The following NRDE2 variants were observed in gnomAD, a reference collection of about 807,000 sequenced individuals.
The protein encoded by NRDE2 is nuclear exosome regulator NRDE2.
Under a neutral mutation model 124.2 loss-of-function variants are expected in NRDE2, and 76 were observed. The observed-to-expected ratio is 0.61, with a 90% CI of 0.51 to 0.74. The LOEUF is 0.74. Among genes scored for constraint, NRDE2 ranks in the 30% least tolerant of loss-of-function variants. The probability of loss-of-function intolerance (pLI) is 0.00; values close to 1 mark genes in which losing one functional copy is unlikely to be tolerated. For missense variants in NRDE2, 1,314 were observed against 1,417.3 expected (o/e 0.93, Z 1.17); for synonymous variants, 489 against 528.1 (o/e 0.93, Z 1.01).
At chr14:90,314,198 G>A (rs547928804) in intron 3 of NRDE2, among the ~76,000 whole-genome samples, 20 of 152,328 alleles carry the variant, frequency 1.3e-4, no homozygotes, top group African/African-American at 4.8e-4. Context: ...ATTAGTAGCT[G>A]TGGCCTCTGG....
Position 90,288,933 on chromosome 14 carries a change from T to C in NRDE2, c.2442A>G (p.Glu814=), listed in dbSNP as rs114253279. The change falls in exon 11 of 14, where the codon GAA becomes GAG. Residue 814 remains glutamate, a synonymous_variant. Coordinates refer to ENST00000354366, the MANE Select transcript of NRDE2 (RefSeq NM_017970.4). ...DTALGMAGSR[E]LKDSDLCELS... ...GCTCACAGAGGTCAGAGTCTTTCAG[T>C]TCTCTGCTTCCTGCCATGCCAAGTG... 2,266 of 1,612,358 alleles carry C rather than the reference T, an allele frequency of 1.4e-3. 32 individuals are homozygous for C. The African/African-American group carries it at 0.027, about 19-fold the overall frequency.
At position 90,276,656 on chromosome 14, in the gene NRDE2, C is replaced by T. The variant is rs1891811677; in HGVS notation, c.*1680G>A. 6.6e-6 allele frequency: 1 copy of T among 152,202 alleles called. No individual in the cohort carries two copies. The highest frequency in any genetic ancestry group is 2.4e-5 in the African/African-American group (1 of 41,440). 9.4% of individuals were successfully genotyped at this position (152,202 alleles called of 1,614,324 possible). On this transcript the variant is annotated 3_prime_UTR_variant, in exon 14 of 14. Transcript: ENST00000354366. Reference sequence around the variant, plus strand: ...TGCTCGCAATCTGTTCGAGCAGCCGCTTTATCCTCTCGGGGGCTCACTGCC... The same window carrying T: ...TGCTCGCAATCTGTTCGAGCAGCCGTTTTATCCTCTCGGGGGCTCACTGCC...
In NRDE2 at chr14:90,273,966, T is replaced by C. The variant is rs1323172912; in HGVS notation, c.*4370A>G. ...CAGATGATCCAGGATAATTTCCCTG[T>C]TTTAAAGTTTACAATCTTCTTAATT... is the stretch of plus-strand genomic sequence containing the variant. On this transcript the variant is annotated 3_prime_UTR_variant, in exon 14 of 14. Transcript: ENST00000354366. 2 of 145,502 alleles carry C rather than the reference T, an allele frequency of 1.4e-5. No homozygotes were observed. The highest frequency in any genetic ancestry group is 5.0e-5 in the African/African-American group (2 of 40,330). 9.0% of individuals were successfully genotyped at this position (145,502 alleles called of 1,614,324 possible). A position where few individuals can be genotyped will look rare whatever the true frequency, so the allele number is the denominator to read the frequency against.
chr14:90,315,547 C>T (rs1885014274), intron 3 of NRDE2, among the ~76,000 whole-genome samples: 2 of 152,148 alleles, frequency 1.3e-5, no homozygotes, highest in Non-Finnish European at 2.9e-5. Flanking sequence ...ACCTGTCCCA[C>T]CTACACGCAA....
At chr14:90,294,252 C>T (rs1359112279) in intron 8 of NRDE2, among the ~76,000 whole-genome samples, 2 of 151,816 alleles carry the variant, frequency 1.3e-5, no homozygotes, top group African/African-American at 4.8e-5. Flanking sequence ...GCCTGGTGCC[C>T]TGCTGGTGGG....
At position 90,298,308 on chromosome 14, in the gene NRDE2, C is replaced by T. The variant is rs1335463892; in HGVS notation, c.1618G>A (p.Ala540Thr). 2 of 1,613,596 alleles carry T rather than the reference C, an allele frequency of 1.2e-6. No individual in the cohort carries two copies. Among genetic ancestry groups the T allele is most frequent in the Non-Finnish European group, 1.7e-6 (2 of 1,179,988 alleles). The change falls in exon 8 of 14, where the codon GCG becomes ACG. Residue 540 changes from alanine (A) to threonine (T), a missense_variant. Transcript: ENST00000354366. ...AGEKGARGWK[A>T]WMHQQERGGW... ...CCTCGTTCCTGCTGGTGCATCCACG[C>T]CTTCCAGCCTCGGGCTCCCTTCTCC...
chr14:90,301,704 G>A (rs1391768138), intron 6 of NRDE2: 1 of 454,336 alleles, frequency 2.2e-6, no homozygotes, highest in African/African-American at 2.0e-5. Context: ...ATAGAAAAAG[G>A]ATGGCGTAGC....
intron 9 of NRDE2, among the ~76,000 whole-genome samples, chr14:90,292,198 C>G (rs1375330993): frequency 2.0e-5 from 3 of 152,244 alleles, no homozygotes; most frequent in African/African-American, 7.2e-5. Flanking sequence ...GCAAGACACG[C>G]TGATGCCAAC....
At chr14:90,312,345 A>G (rs1284674867) in intron 4 of NRDE2, 49 bp downstream of exon 4, 1 of 1,598,066 alleles carries the variant, frequency 6.3e-7, no homozygotes, top group East Asian at 2.2e-5. Context: ...TCCGAGGAGA[A>G]AAAAGTCACT....
In NRDE2 at chr14:90,306,142, T is replaced by C. The variant is rs536731815; in HGVS notation, c.558-1760A>G. 3.3e-5 allele frequency among the ~76,000 whole-genome samples: 5 copies of C among 152,302 alleles called. No homozygotes were observed. In the South Asian group the frequency reaches 1.0e-3, roughly 32 times the overall value. ...TGTAAAAATCTTTCAACTTTTGCTG[T>C]ATATTAAAATTTTTTCCTAATAAAA... On this transcript the variant is annotated intron_variant, in intron 4 of 13. Coordinates refer to ENST00000354366, the MANE Select transcript of NRDE2 (RefSeq NM_017970.4).
At chr14:90,329,764 G>A (rs556112802) in intron 1 of NRDE2, among the ~76,000 whole-genome samples, 2 of 151,456 alleles carry the variant, frequency 1.3e-5, no homozygotes, top group Admixed American at 6.6e-5. Flanking sequence ...CTTGAAGCCA[G>A]GAGGCGGAGG....
rs45462994 is a variant in NRDE2 at position 90,290,518 on chromosome 14, C to G, written c.1932G>C (p.Leu644Phe). The G allele has an allele frequency of 9.6e-3, 15,538 of 1,613,524 alleles. 117 individuals are homozygous for G. Among genetic ancestry groups the G allele is most frequent in the Non-Finnish European group, 0.011 (12,964 of 1,179,732 alleles). The change falls in exon 10 of 14, where the codon TTG (leucine) becomes TTC (phenylalanine). Residue 644 changes from leucine (L) to phenylalanine (F), a missense_variant. Leu to Phe is a conservative substitution (Grantham distance 22). Transcript: ENST00000354366. ...FQLVEAFLQF[L>F]GVPSGFTPPA... ...GAGGAGTAAAGCCAGAAGGCACACC[C>G]AAGAACTGCAGGAAGGCCTCCACCA...
chr14:90,284,496 G>C (rs1024564292), intron 12 of NRDE2, among the ~76,000 whole-genome samples: 9 of 151,998 alleles, frequency 5.9e-5, no homozygotes, highest in African/African-American at 2.2e-4. Flanking sequence ...CTCCCAAGTA[G>C]CTAGGATTAC....
At chr14:90,297,774 C>G (rs772897713) in intron 8 of NRDE2, among the ~76,000 whole-genome samples, 21 of 151,926 alleles carry the variant, frequency 1.4e-4, no homozygotes, top group Non-Finnish European at 2.1e-4. Context: ...GACCCTATCT[C>G]TACCAAAAAT....
rs147070944 is a variant in NRDE2, at chr14:90,288,380, C to G, written c.2995G>C (p.Val999Leu). ...ATCTGTACATAGGACCTCCAAAGAA[C>G]CTGGTTGCCTGGATACAACTTTAAA... Reference protein sequence around the residue: ...QALKLYPGNQVLWRSYVQIQN... With the variant: ...QALKLYPGNQLLWRSYVQIQN... The change falls in exon 11 of 14, where the codon GTT becomes CTT. Residue 999 changes from valine (V) to leucine (L), a missense_variant. Val to Leu is a conservative substitution (Grantham distance 32). Transcript: ENST00000354366. 1 of 1,614,152 alleles carries G rather than the reference C, an allele frequency of 6.2e-7. No individual in the cohort carries two copies. The highest frequency in any genetic ancestry group is 8.5e-7 in the Non-Finnish European group (1 of 1,180,036).
At chr14:90,315,829 C>T (rs756873214) in intron 3 of NRDE2, among the ~76,000 whole-genome samples, 13 of 150,628 alleles carry the variant, frequency 8.6e-5, no homozygotes, top group Non-Finnish European at 1.5e-4. Context: ...TGGTGGCAGA[C>T]GCCTGTAATC....
Position 90,278,299 on chromosome 14 carries a change from T to C in NRDE2, c.*37A>G, listed in dbSNP as rs781224223. 12 of 1,613,260 alleles carry C rather than the reference T, an allele frequency of 7.4e-6. No individual in the cohort carries two copies. The highest frequency in any genetic ancestry group is 3.3e-5 in the Admixed American group (2 of 60,010). On this transcript the variant is annotated 3_prime_UTR_variant, in exon 14 of 14. Coordinates refer to ENST00000354366, the MANE Select transcript of NRDE2 (RefSeq NM_017970.4). ...CTCCTAGCTCCGCAGGGTGGGCAAC[T>C]TGGCCTCGCAGGCACAGCCCGTTTT...
chr14:90,297,479 T>TA (rs1884217045), intron 8 of NRDE2, among the ~76,000 whole-genome samples: 1 of 152,184 alleles, frequency 6.6e-6, no homozygotes, highest in Admixed American at 6.5e-5. Flanking sequence ...AGCTCTGTAT[T>TA]AGAGTATAAA....
At chr14:90,318,488 G>C (rs897432724) in intron 1 of NRDE2, among the ~76,000 whole-genome samples, 1 of 152,156 alleles carries the variant, frequency 6.6e-6, no homozygotes, top group Non-Finnish European at 1.5e-5. Flanking sequence ...ATTTGATTCA[G>C]ACAATTCCTA....
Sources: allele counts gnomAD v4.1 joint callset (sites outside exome capture counted in the v4.1 genomes callset), GRCh38; gene constraint gnomAD v4.1.1; transcripts MANE v1.5; gene names NCBI Gene and HGNC (gene_info 2026-07-23, HGNC 2026-07-21).